The following NOS3 variants were observed in gnomAD, a reference collection of about 807,000 sequenced individuals.
NOS3 encodes nitric oxide synthase 3.
In NOS3, 98 loss-of-function variants were observed where a neutral mutation model predicts 144.9. The ratio of observed to expected loss-of-function variants is 0.68; its 90% CI spans 0.57 to 0.80. The LOEUF is 0.80. Ranked by LOEUF, NOS3 falls within the 30% of genes least tolerant of loss-of-function variation. NOS3 has a pLI of 0.00. For missense variants in NOS3, 1,465 were observed against 1,656.4 expected, an observed-to-expected ratio of 0.88 and a Z score of 2.01; for synonymous variants, 714 against 702.4, an observed-to-expected ratio of 1.02 and a Z score of -0.26.
In NOS3 at chr7:150,998,922, C is replaced by T. The variant is rs757694460; in HGVS notation, c.817-24C>T. ...GAGGGCATGAGGCTCAGCCCCAGAA[C>T]CCCCTCTGGCCCACTCCCCACAGCT... On this transcript the variant is annotated intron_variant, in intron 7 of 26. Transcript: ENST00000297494. This position sits in a 1 kb window ranked among gnomAD's most constrained non-coding sequence, Gnocchi z 5.0. 11 of 1,599,320 alleles carry T rather than the reference C, an allele frequency of 6.9e-6. No homozygotes were observed. Among genetic ancestry groups the T allele is most frequent in the East Asian group, 2.2e-5 (1 of 44,702 alleles).
rs764658454 is a variant in NOS3 at position 151,010,198 on chromosome 7, A to C, written c.2596A>C (p.Thr866Pro). 1.9e-6 allele frequency: 3 copies of C among 1,611,590 alleles called. No homozygotes were observed. The highest frequency in any genetic ancestry group is 2.5e-6 in the Non-Finnish European group (3 of 1,179,780). ...GGCTCTCACCTTCTTCCTGGACATC[A>C]CCTCCCCACCCAGCCCTCAGCTCTT... ...RQALTFFLDI[T>P]SPPSPQLLRL... is the part of the protein sequence containing the mutation. Residue 866 changes from threonine to proline, a missense_variant, in exon 21 of 27, where the codon ACC becomes CCC. This residue lies in a region of NOS3 where 745 missense variants were observed against 853.9 expected (regional missense o/e 0.87). Coordinates refer to ENST00000297494, the MANE Select transcript of NOS3 (RefSeq NM_000603.5).
At chr7:150,992,072 C>A (rs540059261) in intron 1 of NOS3, among the ~76,000 whole-genome samples, 1 of 151,670 alleles carries the variant, frequency 6.6e-6, no homozygotes, top group East Asian at 1.9e-4. Flanking sequence ...GAGAATCACT[C>A]CGGGAGGCAG....
At chr7:150,995,170 C>A (rs764243761) in intron 2 of NOS3, 33 bp from the exon 3 acceptor site, 2 of 1,293,674 alleles carry the variant, frequency 1.5e-6, no homozygotes, top group Non-Finnish European at 2.2e-6. Flanking sequence ...GAAACAAACC[C>A]TTCCTGATGA....
At chr7:150,994,499 G>A (rs981773352) in intron 2 of NOS3, among the ~76,000 whole-genome samples, 33 of 152,188 alleles carry the variant, frequency 2.2e-4, no homozygotes, top group Non-Finnish European at 4.7e-4. Flanking sequence ...TTTTTCCCCT[G>A]CTCCAGCCCC....
In NOS3 at chr7:151,014,209, T is replaced by C. The variant is rs1197856004; in HGVS notation, c.*40T>C. The stretch of plus-strand genomic sequence containing the variant: ...TCCCTTCCAGTTCCGGGAGAGCGGC[T>C]GCCCGACTCAGGTCCGCCCGACCAG... On this transcript the variant is annotated 3_prime_UTR_variant, in exon 27 of 27. Transcript: ENST00000297494. The C allele has an allele frequency of 6.4e-7, 1 of 1,564,060 alleles. No homozygotes were observed. Among genetic ancestry groups the C allele is most frequent in the African/African-American group, 1.4e-5 (1 of 74,058 alleles).
chr7:151,006,931 A>G lies in NOS3; in HGVS notation c.1863A>G (p.Pro621=). 6.2e-7 allele frequency: 1 copy of G among 1,614,086 alleles called. No homozygotes were observed. Among genetic ancestry groups the G allele is most frequent in the Non-Finnish European group, 8.5e-7 (1 of 1,179,986 alleles). The change falls in exon 16 of 27, where the codon CCA becomes CCG. Residue 621 remains proline, a synonymous_variant. Transcript: ENST00000297494. The part of the protein sequence containing the change: ...IRFNSISCSD[P]LVSSWRRKRK... The stretch of plus-strand genomic sequence containing the variant: ...TCAACAGCATCTCCTGCTCAGACCC[A>G]CTGGTGTCCTCTTGGCGGCGGAAGA...
At position 150,998,351 on chromosome 7, in the gene NOS3, G is replaced by A. The variant is rs1168878904; in HGVS notation, c.583-6G>A. 1.9e-6 allele frequency: 3 copies of A among 1,610,564 alleles called. No individual in the cohort carries two copies. The Admixed American group carries it at 5.0e-5, about 27-fold the overall frequency. ...CCCTCCTCTCCCGCTGCCTCGGCTG[G>A]CTCAGGTGTTCGATGCCCGGGACTG... On this transcript the variant is annotated splice_region_variant and splice_polypyrimidine_tract_variant and intron_variant, in intron 5 of 26. Coordinates refer to ENST00000297494, the MANE Select transcript of NOS3 (RefSeq NM_000603.5). This position sits in a 1 kb window ranked among gnomAD's most constrained non-coding sequence, Gnocchi z 5.0.
rs1014110227 is a variant in NOS3 at position 151,003,996 on chromosome 7, G to C, written c.1752+1692G>C. On this transcript the variant is annotated intron_variant, in intron 14 of 26. Coordinates refer to ENST00000297494, the MANE Select transcript of NOS3 (RefSeq NM_000603.5). The surrounding 1 kb of genome is among the most constrained non-coding windows in gnomAD (Gnocchi z 4.1). Reference sequence around the variant, plus strand: ...GGGTAAATACCTAGGAGTAGAATTGGTAGGTCATAGGGTAGATGCATGTTT... The same window carrying C: ...GGGTAAATACCTAGGAGTAGAATTGCTAGGTCATAGGGTAGATGCATGTTT... 4 of 318,496 alleles carry C rather than the reference G, an allele frequency of 1.3e-5. No homozygotes were observed. Among genetic ancestry groups the C allele is most frequent in the African/African-American group, 8.9e-5 (4 of 45,162 alleles). 19.7% of individuals were successfully genotyped at this position (318,496 alleles called of 1,614,324 possible).
intron 23 of NOS3, chr7:151,011,715 G>A (rs374379735): frequency 3.9e-4 from 101 of 261,350 alleles, no homozygotes; most frequent in African/African-American, 2.0e-3. Context: ...TAGTAGAGAC[G>A]GTGTTTCACT....
In NOS3 at chr7:151,000,663, G is replaced by T. The variant is rs1795069650; in HGVS notation, c.1233+64G>T. On this transcript the variant is annotated intron_variant, in intron 10 of 26. Transcript: ENST00000297494. ...GCATACGGGGGCAGCAGGGGCGGGG[G>T]ATGGAGGAGAGGCAGCCATTTAGAA... is the stretch of plus-strand genomic sequence containing the variant. 6 of 1,094,324 alleles carry T rather than the reference G, an allele frequency of 5.5e-6. No homozygotes were observed. In the South Asian group the frequency reaches 6.4e-5, roughly 12 times the overall value. 67.8% of individuals were successfully genotyped at this position (1,094,324 alleles called of 1,614,324 possible). A position where few individuals can be genotyped will look rare whatever the true frequency, so the allele number is the denominator to read the frequency against.
At position 151,002,168 on chromosome 7, in the gene NOS3, AG is replaced by A; in HGVS notation, c.1648-31del. 2 of 1,482,484 alleles carry A rather than the reference AG, an allele frequency of 1.3e-6. No homozygotes were observed. The highest frequency in any genetic ancestry group is 1.9e-6 in the Non-Finnish European group (2 of 1,076,206). The allele number at this position is 1,482,484 out of a possible 1,614,324, so 91.8% of individuals were successfully genotyped here. A position where few individuals can be genotyped will look rare whatever the true frequency, so the allele number is the denominator to read the frequency against. ...GGAGGGCAGGGCCTCCGGGGGCCAC[AG>A]CACCCAGGACATCTGTCTTCCCACC... On this transcript the variant is annotated intron_variant, in intron 13 of 26. Transcript: ENST00000297494. The surrounding 1 kb of genome is among the most constrained non-coding windows in gnomAD (Gnocchi z 4.1).
chr7:151,001,394 A>G lies in NOS3; in HGVS notation c.1397A>G (p.Asn466Ser), dbSNP rs1217473053. 1.2e-6 allele frequency: 2 copies of G among 1,603,426 alleles called. No individual in the cohort carries two copies. The highest frequency in any genetic ancestry group is 1.7e-6 in the Non-Finnish European group (2 of 1,173,706). ...LTPVFHQEMV[N>S]YFLSPAFRYQ... ...CCTGTTTTCCATCAGGAGATGGTCA[A>G]CTATTTCCTGTCCCCGGCCTTCCGC... Residue 466 changes from asparagine to serine, a missense_variant, in exon 11 of 27, where the codon AAC becomes AGC. Physicochemically the swap from Asn to Ser is conservative, Grantham distance 46. Coordinates refer to ENST00000297494, the MANE Select transcript of NOS3 (RefSeq NM_000603.5).
intron 14 of NOS3, among the ~76,000 whole-genome samples, chr7:151,005,752 A>C (rs376600405): frequency 5.9e-5 from 9 of 152,222 alleles, no homozygotes; most frequent in East Asian, 1.9e-4. Flanking sequence ...AGTGAAGTAC[A>C]ATGTAGCCAC....
intron 23 of NOS3, chr7:151,011,871 A>T (rs1321194890): frequency 2.3e-6 from 1 of 430,000 alleles, no homozygotes; most frequent in Non-Finnish European, 4.6e-6. Context: ...TGTGTCCAGA[A>T]GTCTTGCCCG....
chr7:151,006,320 T>G, intron 14 of NOS3, 107 bp from the exon 15 acceptor site: 2 of 833,992 alleles, frequency 2.4e-6, no homozygotes, highest in Admixed American at 2.3e-5. Flanking sequence ...CAAATAAAAA[T>G]TAAGTTACAA....
rs1381875625 is a variant in NOS3, at chr7:151,001,850, G to A, written c.1532G>A (p.Gly511Asp). 1 of 1,613,482 alleles carries A rather than the reference G, an allele frequency of 6.2e-7. No homozygotes were observed. Among genetic ancestry groups the A allele is most frequent in the Non-Finnish European group, 8.5e-7 (1 of 1,179,956 alleles). Residue 511 changes from glycine (G) to aspartate (D), a missense_variant, in exon 13 of 27, where the codon GGC becomes GAC. By Grantham distance (94) the Gly-to-Asp change is moderately conservative. Around this residue, in one of 5 missense-constraint regions of NOS3, gnomAD observed 745 missense variants for 853.9 expected, o/e 0.87. Transcript: ENST00000297494. ...GTGAAGATCTCCGCCTCGCTCATGG[G>A]CACGGTGATGGCGAAGCGAGTGAAG... ...NAVKISASLM[G>D]TVMAKRVKAT...
intron 5 of NOS3, among the ~76,000 whole-genome samples, chr7:150,997,444 A>T (rs1192031115): frequency 6.6e-6 from 1 of 151,952 alleles, no homozygotes; most frequent in Non-Finnish European, 1.5e-5. Flanking sequence ...ACCCACACCC[A>T]CTGCTACCCC....
intron 2 of NOS3, among the ~76,000 whole-genome samples, chr7:150,994,531 G>A (rs1298239331): frequency 5.9e-5 from 9 of 152,124 alleles, no homozygotes; most frequent in African/African-American, 1.4e-4. Flanking sequence ...GCTGTCACCC[G>A]AAAACTGGAC....
chr7:151,001,404 G>A lies in NOS3; in HGVS notation c.1407G>A (p.Leu469=), dbSNP rs773120643. 2.5e-6 allele frequency: 4 copies of A among 1,593,326 alleles called. No homozygotes were observed. In the East Asian group the frequency reaches 6.7e-5, roughly 27 times the overall value. ...VFHQEMVNYF[L]SPAFRYQPDP... ...ATCAGGAGATGGTCAACTATTTCCT[G>A]TCCCCGGCCTTCCGCTACCAGGTGC... Residue 469 remains leucine (L), a synonymous_variant, in exon 11 of 27, where the codon CTG becomes CTA. Coordinates refer to ENST00000297494, the MANE Select transcript of NOS3 (RefSeq NM_000603.5).
Sources: allele counts gnomAD v4.1 joint callset (sites outside exome capture counted in the v4.1 genomes callset), GRCh38; gene constraint gnomAD v4.1.1; regional missense constraint gnomAD v4.1.1; non-coding constraint Gnocchi (gnomAD v3.1); transcripts MANE v1.5; gene names NCBI Gene and HGNC (gene_info 2026-07-23, HGNC 2026-07-21).